ATP10B: variants seen among roughly 807,000 people sequenced by gnomAD.
ATP10B encodes the protein ATPase phospholipid transporting 10B (putative).
ATP10B carries 122 observed loss-of-function variants against 141.2 expected under a neutral mutation model. The ratio of observed to expected loss-of-function variants is 0.86; its 90% CI spans 0.75 to 1.00. ATP10B has a LOEUF of 1.00. ATP10B is among the 50% of genes least tolerant of loss of function. The pLI is 0.00. For synonymous variants in ATP10B, 685 were observed against 692.0 expected, an observed-to-expected ratio of 0.99 and a Z score of 0.16; for missense variants, 1,876 against 1,825.3, an observed-to-expected ratio of 1.03 and a Z score of -0.51.
chr5:160,804,892 C>T (rs1772667907), intron 1 of ATP10B, among the ~76,000 whole-genome samples: 1 of 152,148 alleles, frequency 6.6e-6, no homozygotes, highest in Non-Finnish European at 1.5e-5. Context: ...TTCAGTAACC[C>T]CCCACCACCA....
At chr5:160,583,781 A>C (rs1445001427) in intron 24 of ATP10B, among the ~76,000 whole-genome samples, 1 of 152,194 alleles carries the variant, frequency 6.6e-6, no homozygotes, top group Non-Finnish European at 1.5e-5. Context: ...GAAGTGCTGC[A>C]GTGGGCTCTG....
intron 1 of ATP10B, among the ~76,000 whole-genome samples, chr5:160,794,532 A>G (rs1771808189): frequency 6.6e-6 from 1 of 152,216 alleles, no homozygotes; most frequent in Non-Finnish European, 1.5e-5. Context: ...TTGATTTGTC[A>G]TCACTGGGCT....
intron 7 of ATP10B, among the ~76,000 whole-genome samples, chr5:160,659,868 C>T (rs1019943094): frequency 6.6e-6 from 1 of 152,116 alleles, no homozygotes; most frequent in Non-Finnish European, 1.5e-5. Context: ...ATATTTCCCG[C>T]AATGGGATAA....
At chr5:160,783,196 A>T (rs1405068390) in intron 2 of ATP10B, among the ~76,000 whole-genome samples, 2 of 151,468 alleles carry the variant, frequency 1.3e-5, no homozygotes, top group Non-Finnish European at 2.9e-5. Flanking sequence ...AAGTCCCCAA[A>T]GTCCATTGTA....
At chr5:160,926,488 G>C in the ATP10B span, among the ~76,000 whole-genome samples, 2 of 152,202 alleles carry the variant, frequency 1.3e-5, no homozygotes, top group African/African-American at 4.8e-5. Flanking sequence ...AAGATAAGGA[G>C]AGACTTAAAA....
At chr5:160,866,717 A>C in the ATP10B span, among the ~76,000 whole-genome samples, 1 of 152,030 alleles carries the variant, frequency 6.6e-6, no homozygotes. Flanking sequence ...AAATGATATA[A>C]TAGACTTTGG....
chr5:160,631,766 G>A (rs1758953742), intron 13 of ATP10B, among the ~76,000 whole-genome samples: 1 of 152,178 alleles, frequency 6.6e-6, no homozygotes, highest in African/African-American at 2.4e-5. Flanking sequence ...GGTGGGTGGG[G>A]GGCTGTGATG....
chr5:160,620,350 A>G lies in ATP10B; in HGVS notation c.2413T>C (p.Cys805Arg), dbSNP rs1758255433. 6.2e-7 allele frequency: 1 copy of G among 1,607,496 alleles called. No individual in the cohort carries two copies. The highest frequency in any genetic ancestry group is 1.3e-5 in the African/African-American group (1 of 74,998). ...VIMDLLEDPA[C>R]VPDINMEKKL... ...ACCCTGGTAAGGCAGGACTCACCGC[A>G]GGCTGGGTCTTCCAGCAGGTCCATG... Residue 805 changes from cysteine to arginine, a missense_variant, in exon 15 of 26, where the codon TGC (cysteine) becomes CGC (arginine). Transcript: ENST00000327245.
chr5:160,848,336 T>C (rs547899557), intron 1 of ATP10B, among the ~76,000 whole-genome samples: 1 of 152,292 alleles, frequency 6.6e-6, no homozygotes, highest in Admixed American at 6.5e-5. Context: ...TCTTATACCA[T>C]TTCTATGATG....
chr5:160,879,486 T>C, the ATP10B span, among the ~76,000 whole-genome samples: 1 of 142,736 alleles, frequency 7.0e-6, no homozygotes, highest in East Asian at 2.1e-4. Flanking sequence ...TGTATACGTA[T>C]GTAACTAACC....
At chr5:160,646,859 A>G (rs1012091289) in intron 8 of ATP10B, among the ~76,000 whole-genome samples, 9 of 152,182 alleles carry the variant, frequency 5.9e-5, no homozygotes, top group Non-Finnish European at 8.8e-5. Context: ...TATACTTTTT[A>G]TAGGCCAGCA....
intron 2 of ATP10B, among the ~76,000 whole-genome samples, chr5:160,734,392 C>T (rs1581435333): frequency 6.6e-6 from 1 of 151,948 alleles, no homozygotes; most frequent in Non-Finnish European, 1.5e-5. Flanking sequence ...TAAAACATTA[C>T]CTTCTGGGGG....
the ATP10B span, among the ~76,000 whole-genome samples, chr5:160,868,416 T>C: frequency 6.6e-6 from 1 of 152,006 alleles, no homozygotes; most frequent in Non-Finnish European, 1.5e-5. Flanking sequence ...ACATTGAACA[T>C]TTTACTTGCT....
At chr5:160,827,371 T>C (rs1413529822) in intron 1 of ATP10B, among the ~76,000 whole-genome samples, 1 of 152,230 alleles carries the variant, frequency 6.6e-6, no homozygotes, top group East Asian at 1.9e-4. Flanking sequence ...TGAGATGGTA[T>C]CTAATTGTGG....
chr5:160,872,746 A>T, the ATP10B span, among the ~76,000 whole-genome samples: 1 of 152,102 alleles, frequency 6.6e-6, no homozygotes, highest in African/African-American at 2.4e-5. Context: ...GCCTATTTTT[A>T]TACCAGTATT....
chr5:160,774,076 GCA>G (rs1310459962), intron 2 of ATP10B, among the ~76,000 whole-genome samples: 1 of 152,114 alleles, frequency 6.6e-6, no homozygotes, highest in Non-Finnish European at 1.5e-5. Flanking sequence ...GGAAAATGCA[GCA>G]GTTTTTCCTA....
intron 6 of ATP10B, among the ~76,000 whole-genome samples, chr5:160,673,423 C>G (rs1389981518): frequency 1.3e-5 from 2 of 152,156 alleles, no homozygotes; most frequent in African/African-American, 2.4e-5. Context: ...GTGTTACAAA[C>G]AATCCAATTG....
chr5:160,677,938 G>A (rs1210458493), intron 6 of ATP10B, among the ~76,000 whole-genome samples: 1 of 152,170 alleles, frequency 6.6e-6, no homozygotes, highest in Non-Finnish European at 1.5e-5. Flanking sequence ...GTACAAATAT[G>A]ATATTCTAAC....
intron 1 of ATP10B, among the ~76,000 whole-genome samples, chr5:160,788,038 G>T (rs1334284147): frequency 6.6e-6 from 1 of 152,138 alleles, no homozygotes; most frequent in African/African-American, 2.4e-5. Context: ...CTTCCTAGAG[G>T]TCATACATTC....
Sources: allele counts gnomAD v4.1 joint callset (sites outside exome capture counted in the v4.1 genomes callset), GRCh38; gene constraint gnomAD v4.1.1; transcripts MANE v1.5; gene names NCBI Gene and HGNC (gene_info 2026-07-23, HGNC 2026-07-21).